Variants in IMMP1L observed in about 807,000 individuals in gnomAD.
IMMP1L encodes inner mitochondrial membrane peptidase subunit 1.
IMMP1L carries 24 observed loss-of-function variants against 21.8 expected under a neutral mutation model. That is an observed-to-expected ratio of 1.10 (90% CI 0.80 to 1.55). The LOEUF (loss-of-function observed/expected upper bound fraction) is 1.55. Ranked by LOEUF, IMMP1L falls within the 40% of genes most tolerant of loss-of-function variation. The pLI, the probability that IMMP1L is intolerant of heterozygous loss-of-function variation, is 0.00. For synonymous variants in IMMP1L, 46 were observed against 62.8 expected (o/e 0.73, Z 1.26); for missense variants, 195 against 200.7 (o/e 0.97, Z 0.17).
intron 1 of IMMP1L, among the ~76,000 whole-genome samples, chr11:31,494,414 G>A (rs1035082644): frequency 1.3e-5 from 2 of 152,192 alleles, no homozygotes; most frequent in African/African-American, 4.8e-5. Flanking sequence ...CATGCCCCAG[G>A]ACTGCACAGA....
chr11:31,484,328 G>A (rs553057443), intron 1 of IMMP1L, among the ~76,000 whole-genome samples: 5 of 151,716 alleles, frequency 3.3e-5, no homozygotes, highest in Admixed American at 2.6e-4. Flanking sequence ...ATGAATATAT[G>A]GTTTTATTCC....
At chr11:31,477,630 G>A in intron 1 of IMMP1L, 1 of 782,698 alleles carries the variant, frequency 1.3e-6, no homozygotes, top group Non-Finnish European at 1.6e-6. Context: ...TATAGCGCCA[G>A]GTGGCTTTTT....
intron 1 of IMMP1L, among the ~76,000 whole-genome samples, chr11:31,500,961 T>A (rs1311692458): frequency 6.6e-6 from 1 of 152,216 alleles, no homozygotes; most frequent in East Asian, 1.9e-4. Flanking sequence ...GCTGTGTGAT[T>A]TAATATAGTA....
chr11:31,433,620 G>T (rs747869422), intron 4 of IMMP1L, 50 bp from the exon 5 acceptor site: 2 of 1,145,724 alleles, frequency 1.7e-6, no homozygotes, highest in Non-Finnish European at 2.6e-6. Context: ...CCTAATTTGG[G>T]TACTATAATT....
chr11:31,461,798 T>C (rs1272335273), intron 2 of IMMP1L, among the ~76,000 whole-genome samples: 2 of 152,170 alleles, frequency 1.3e-5, no homozygotes, highest in African/African-American at 2.4e-5. Flanking sequence ...ATAACACTTC[T>C]GGTCCCAAGC....
chr11:31,456,923 A>C (rs939001921), intron 3 of IMMP1L, among the ~76,000 whole-genome samples: 3 of 108,282 alleles, frequency 2.8e-5, no homozygotes, highest in East Asian at 2.6e-4. Context: ...CAAAACAAAC[A>C]AACCAAGAAA....
At chr11:31,500,070 G>A (rs995159774) in intron 1 of IMMP1L, among the ~76,000 whole-genome samples, 1 of 152,086 alleles carries the variant, frequency 6.6e-6, no homozygotes, top group Non-Finnish European at 1.5e-5. Context: ...ATTAGAGAAC[G>A]ACTGGTCTGT....
intron 1 of IMMP1L, chr11:31,477,352 T>A (rs1954760360): frequency 6.1e-6 from 1 of 164,140 alleles, no homozygotes; most frequent in South Asian, 2.0e-4. Flanking sequence ...AACCAAGACA[T>A]CATTGATCAA....
chr11:31,489,830 C>G (rs1260416881), intron 1 of IMMP1L, among the ~76,000 whole-genome samples: 1 of 152,052 alleles, frequency 6.6e-6, no homozygotes, highest in East Asian at 1.9e-4. Flanking sequence ...ATCGTTTCAT[C>G]CACTTACAAG....
At chr11:31,508,936 C>A (rs1283859662) in intron 1 of IMMP1L, among the ~76,000 whole-genome samples, 1 of 152,204 alleles carries the variant, frequency 6.6e-6, no homozygotes, top group Non-Finnish European at 1.5e-5. Context: ...TCTAATTCTT[C>A]CTAGCAGTTT....
intron 1 of IMMP1L, among the ~76,000 whole-genome samples, chr11:31,495,661 A>AT (rs1428522827): frequency 6.6e-6 from 1 of 152,242 alleles, no homozygotes; most frequent in Non-Finnish European, 1.5e-5. Context: ...TGGTACTGGC[A>AT]TAATGACAGA....
chr11:31,506,717 T>G (rs1181040151), intron 1 of IMMP1L, among the ~76,000 whole-genome samples: 1 of 149,434 alleles, frequency 6.7e-6, no homozygotes, highest in Non-Finnish European at 1.5e-5. Context: ...ATCTCAACAC[T>G]TTGGGAAGCC....
At chr11:31,462,491 C>T (rs1444447481) in intron 2 of IMMP1L, among the ~76,000 whole-genome samples, 1 of 151,662 alleles carries the variant, frequency 6.6e-6, no homozygotes, top group African/African-American at 2.4e-5. Context: ...TATTCTTTCA[C>T]TTACATGACA....
intron 2 of IMMP1L, 32 bp from the exon 3 acceptor site, chr11:31,460,746 C>G (rs1169552449): frequency 7.6e-7 from 1 of 1,311,116 alleles, no homozygotes; most frequent in Non-Finnish European, 1.1e-6. Flanking sequence ...AATCTAAATT[C>G]AAAATCTCTT....
At position 31,434,599 on chromosome 11, in the gene IMMP1L, CT is replaced by C. The variant is rs913200798; in HGVS notation, c.322-1030del. ...CTGGGTTTAATAAGAGATAATGCAA[CT>C]TTTTTTTTTAATCACAAATTACTTT... On this transcript the variant is annotated intron_variant, in intron 4 of 5. Coordinates refer to ENST00000532287, the MANE Select transcript of IMMP1L (RefSeq NM_001304274.2). Among the ~76,000 whole-genome samples the C allele has an allele frequency of 6.0e-3, 898 of 148,540 alleles. 11 individuals are homozygous for C. Among genetic ancestry groups the C allele is most frequent in the African/African-American group, 0.02 (822 of 40,606 alleles).
At chr11:31,507,626 C>T (rs939228171) in intron 1 of IMMP1L, among the ~76,000 whole-genome samples, 1 of 152,098 alleles carries the variant, frequency 6.6e-6, no homozygotes, top group Non-Finnish European at 1.5e-5. Flanking sequence ...GTTCATCGCA[C>T]AGAGAGTACA....
At chr11:31,444,122 C>CAG (rs1397805422) in intron 4 of IMMP1L, among the ~76,000 whole-genome samples, 1 of 152,160 alleles carries the variant, frequency 6.6e-6, no homozygotes, top group Non-Finnish European at 1.5e-5. Flanking sequence ...GGTCCAAATA[C>CAG]AGCTTTGCAT....
chr11:31,491,467 G>A (rs868722440), intron 1 of IMMP1L, among the ~76,000 whole-genome samples: 1 of 152,098 alleles, frequency 6.6e-6, no homozygotes, highest in South Asian at 2.1e-4. Flanking sequence ...GGCTGAAATG[G>A]GTTCTACTAT....
chr11:31,439,707 G>A (rs988753275), intron 4 of IMMP1L, among the ~76,000 whole-genome samples: 2 of 152,144 alleles, frequency 1.3e-5, no homozygotes, highest in Admixed American at 6.5e-5. Context: ...TTAAGTTAGC[G>A]GCAGTCACCT....
Sources: gnomAD v4.1 joint callset for allele counts (sites outside exome capture counted in the v4.1 genomes callset) on GRCh38, gnomAD v4.1.1 for gene constraint, MANE v1.5 for transcripts, NCBI Gene and HGNC (gene_info 2026-07-23, HGNC 2026-07-21) for gene names.